Variants in NHEJ1 observed in about 807,000 individuals in gnomAD.
NHEJ1 encodes the protein non-homologous end-joining factor 1.
A neutral mutation model predicts 39.4 loss-of-function variants in NHEJ1; 22 were observed. The ratio of observed to expected loss-of-function variants is 0.56; its 90% CI spans 0.40 to 0.80. The LOEUF is 0.80. Ranked by LOEUF, NHEJ1 falls within the 30% of genes least tolerant of loss-of-function variation. NHEJ1 has a pLI of 0.00. For synonymous variants in NHEJ1, 154 were observed against 135.6 expected (o/e 1.14, Z -0.94); for missense variants, 329 against 357.1 (o/e 0.92, Z 0.63).
intron 5 of NHEJ1, 116 bp downstream of exon 5, chr2:219,146,564 G>C: frequency 1.2e-6 from 1 of 844,300 alleles, no homozygotes; most frequent in Non-Finnish European, 2.1e-6. Flanking sequence ...AACTTTTTCA[G>C]ACAAAGGGCA....
At chr2:219,104,521 G>A (rs781153673) in intron 5 of NHEJ1, among the ~76,000 whole-genome samples, 18 of 152,130 alleles carry the variant, frequency 1.2e-4, no homozygotes, top group Non-Finnish European at 1.8e-4. Context: ...AGGAAACAAA[G>A]GGGAATAGAG....
intron 5 of NHEJ1, among the ~76,000 whole-genome samples, chr2:219,082,278 G>A (rs1382510438): frequency 6.6e-6 from 1 of 152,218 alleles, no homozygotes; most frequent in Non-Finnish European, 1.5e-5. Flanking sequence ...GCAAACCAAA[G>A]TGACAGAAAC....
intron 3 of NHEJ1, among the ~76,000 whole-genome samples, chr2:219,155,587 C>A (rs917475224): frequency 7.9e-5 from 12 of 152,120 alleles, no homozygotes; most frequent in African/African-American, 1.2e-4. Context: ...ATAAGTAATT[C>A]TCTCAGCACT....
At chr2:219,137,182 T>C (rs1949639917) in intron 5 of NHEJ1, among the ~76,000 whole-genome samples, 1 of 151,740 alleles carries the variant, frequency 6.6e-6, no homozygotes, top group Non-Finnish European at 1.5e-5. Context: ...TTGAGAAACA[T>C]GCACAGCCAT....
intron 3 of NHEJ1, among the ~76,000 whole-genome samples, chr2:219,156,243 C>A (rs1012400528): frequency 6.6e-6 from 1 of 151,812 alleles, no homozygotes; most frequent in Non-Finnish European, 1.5e-5. Flanking sequence ...AGTGAAACTC[C>A]GTCTCAAAAA....
intron 3 of NHEJ1, among the ~76,000 whole-genome samples, chr2:219,149,414 G>C (rs1055342916): frequency 6.6e-6 from 1 of 152,000 alleles, no homozygotes; most frequent in Non-Finnish European, 1.5e-5. Flanking sequence ...CCAAGAGTTC[G>C]AGTCCAGCCT....
At chr2:219,081,590 C>T (rs1949067927) in intron 5 of NHEJ1, among the ~76,000 whole-genome samples, 1 of 152,202 alleles carries the variant, frequency 6.6e-6, no homozygotes, top group Non-Finnish European at 1.5e-5. Flanking sequence ...ATGCATCAAT[C>T]CTTCCCTCAT....
At chr2:219,083,631 A>G (rs572593613) in intron 5 of NHEJ1, among the ~76,000 whole-genome samples, 17 of 152,300 alleles carry the variant, frequency 1.1e-4, no homozygotes, top group Non-Finnish European at 1.9e-4. Flanking sequence ...GGAGAGAGAC[A>G]TTGGGAGTCA....
rs1005178060 is a variant in NHEJ1 at position 219,072,310 on chromosome 2, T to C, written c.*4071A>G. ...TATGGGCTTCCTTCTCTTCCTGCAT[T>C]CCCCTCTGTATCTAAGGGCCTAGTG... On this transcript the variant is annotated 3_prime_UTR_variant, in exon 8 of 8. Coordinates refer to ENST00000356853, the MANE Select transcript of NHEJ1 (RefSeq NM_024782.3). 1.3e-5 allele frequency among the ~76,000 whole-genome samples: 2 copies of C among 152,164 alleles called. No individual in the cohort carries two copies. Among genetic ancestry groups the C allele is most frequent in the African/African-American group, 4.8e-5 (2 of 41,430 alleles).
At chr2:219,157,805 A>G (rs1353585597) in intron 2 of NHEJ1, 121 bp from the exon 3 acceptor site, 9 of 817,888 alleles carry the variant, frequency 1.1e-5, no homozygotes, top group Non-Finnish European at 1.8e-5. Context: ...AAGGGGAGAG[A>G]AGATAAAAAC....
At chr2:219,078,018 T>A in intron 6 of NHEJ1, 71 bp downstream of exon 6, 1 of 1,016,476 alleles carries the variant, frequency 9.8e-7, no homozygotes, top group Non-Finnish European at 1.6e-6. Flanking sequence ...TAGAAAACTA[T>A]CATATTGGAC....
In NHEJ1 at chr2:219,147,753, C is replaced by T; in HGVS notation, c.433G>A (p.Ala145Thr). ...LIRPLMGMSLALQCQVRELAT... is the reference protein window; with the variant it reads ...LIRPLMGMSLTLQCQVRELAT... Reference sequence around the variant, plus strand: ...AGCTCCCTCACTTGGCACTGTAATGCCAGACTCATGCCCATCAGAGGACGA... The same window carrying T: ...AGCTCCCTCACTTGGCACTGTAATGTCAGACTCATGCCCATCAGAGGACGA... The change falls in exon 4 of 8, where the codon GCA becomes ACA. Residue 145 changes from alanine to threonine, a missense_variant. By Grantham distance (58) the Ala-to-Thr change is moderately conservative. Transcript: ENST00000356853. 1 of 1,614,152 alleles carries T rather than the reference C, an allele frequency of 6.2e-7. No individual in the cohort carries two copies. Among genetic ancestry groups the T allele is most frequent in the East Asian group, 2.2e-5 (1 of 44,884 alleles).
intron 5 of NHEJ1, among the ~76,000 whole-genome samples, chr2:219,113,621 T>C (rs1315495267): frequency 5.9e-5 from 9 of 152,112 alleles, no homozygotes; most frequent in African/African-American, 9.7e-5. Context: ...TGTCCTGACA[T>C]AGAAAAGAGC....
chr2:219,126,097 A>C (rs532664942), intron 5 of NHEJ1, among the ~76,000 whole-genome samples: 1 of 152,304 alleles, frequency 6.6e-6, no homozygotes, highest in East Asian at 1.9e-4. Context: ...CCTTCTGTGT[A>C]ATGATATTCC....
chr2:219,157,991 T>TCTCACACACACA (rs1179798749), intron 2 of NHEJ1, among the ~76,000 whole-genome samples, 195 bp downstream of exon 2: 4 of 99,176 alleles, frequency 4.0e-5, no homozygotes, highest in African/African-American at 1.4e-4. Context: ...TCTCTCTCTC[T>TCTCACACACACA]CACACACACA....
At chr2:219,118,786 G>C (rs1377500673) in intron 5 of NHEJ1, among the ~76,000 whole-genome samples, 1 of 152,250 alleles carries the variant, frequency 6.6e-6, no homozygotes, top group African/African-American at 2.4e-5. Context: ...ATGAAGGCTG[G>C]AGACAGCCCG....
At chr2:219,132,980 A>G (rs1400484475) in intron 5 of NHEJ1, among the ~76,000 whole-genome samples, 2 of 152,244 alleles carry the variant, frequency 1.3e-5, no homozygotes, top group East Asian at 3.8e-4. Flanking sequence ...AACGGGCTTA[A>G]TAAGTACTGT....
chr2:219,140,586 T>C (rs10174319), intron 5 of NHEJ1, among the ~76,000 whole-genome samples: 31,264 of 152,126 alleles, frequency 0.21, 4,283 homozygotes, highest in East Asian at 0.55. Context: ...GCAGTCAGGA[T>C]GACTCCAAGG....
intron 5 of NHEJ1, among the ~76,000 whole-genome samples, chr2:219,107,038 G>A (rs1949320356): frequency 6.6e-6 from 1 of 152,186 alleles, no homozygotes; most frequent in Admixed American, 6.5e-5. Context: ...GATAATGAGT[G>A]CTGAGAGAGC....
Sources: gnomAD v4.1 joint callset for allele counts (sites outside exome capture counted in the v4.1 genomes callset) on GRCh38, gnomAD v4.1.1 for gene constraint, MANE v1.5 for transcripts, NCBI Gene and HGNC (gene_info 2026-07-23, HGNC 2026-07-21) for gene names.